USH2A: variants seen among roughly 807,000 people sequenced by gnomAD.
USH2A encodes the protein Usher syndrome 2A (autosomal recessive, mild).
In USH2A, 443 loss-of-function variants were observed where a neutral mutation model predicts 538.9. The ratio of observed to expected loss-of-function variants is 0.82; its 90% CI spans 0.76 to 0.89. The LOEUF (loss-of-function observed/expected upper bound fraction) is 0.89. Ranked by LOEUF, USH2A falls within the 40% of genes least tolerant of loss-of-function variation. The pLI, the probability that USH2A is intolerant of heterozygous loss-of-function variation, is 0.00. For missense variants in USH2A, 6,633 were observed against 6,324.8 expected (o/e 1.05, Z -1.65); for synonymous variants, 2,413 against 2,273.5 (o/e 1.06, Z -1.75).
intron 69 of USH2A, among the ~76,000 whole-genome samples, chr1:215,636,083 G>C (rs1050095303): frequency 6.6e-6 from 1 of 152,078 alleles, no homozygotes; most frequent in Admixed American, 6.6e-5. Context: ...GGAGATGTGA[G>C]CCAGAGAGCT....
intron 61 of USH2A, among the ~76,000 whole-genome samples, chr1:215,716,541 A>G (rs1054433287): frequency 5.9e-5 from 9 of 152,220 alleles, no homozygotes; most frequent in African/African-American, 2.2e-4. Flanking sequence ...ATAATCACCC[A>G]ATAGGAATTT....
At chr1:216,209,879 G>A (rs1449485374) in intron 15 of USH2A, among the ~76,000 whole-genome samples, 2 of 152,184 alleles carry the variant, frequency 1.3e-5, no homozygotes, top group African/African-American at 2.4e-5. Context: ...AATAGGGTCT[G>A]TCTCTGTTCT....
chr1:216,265,807 A>G (rs1397443445), intron 11 of USH2A, among the ~76,000 whole-genome samples: 1 of 152,092 alleles, frequency 6.6e-6, no homozygotes, highest in Admixed American at 6.6e-5. Flanking sequence ...CAGAAAGATA[A>G]ATATTACCTG....
At chr1:215,928,218 A>G (rs1203584343) in intron 38 of USH2A, among the ~76,000 whole-genome samples, 1 of 152,150 alleles carries the variant, frequency 6.6e-6, no homozygotes, top group Non-Finnish European at 1.5e-5. Flanking sequence ...TTATAAGAAG[A>G]GATCAGAATT....
intron 30 of USH2A, among the ~76,000 whole-genome samples, chr1:216,067,322 G>A (rs1369697449): frequency 6.6e-6 from 1 of 151,986 alleles, no homozygotes; most frequent in Non-Finnish European, 1.5e-5. Context: ...TGTAGATGCC[G>A]GGTTGATGGG....
rs181421285 is a variant in USH2A, at chr1:216,085,040, G to C, written c.4988-163C>G. On this transcript the variant is annotated intron_variant, in intron 24 of 71. Coordinates refer to ENST00000307340, the MANE Select transcript of USH2A (RefSeq NM_206933.4). ...TGTAAACACCACACCATCAGCTATA[G>C]TAAATGATAGCAATTATAATGTTTA... The C allele has an allele frequency of 3.8e-4, 249 of 661,188 alleles. 3 individuals carry two copies. The African/African-American group carries it at 4.1e-3, about 11-fold the overall frequency. 41.0% of individuals were successfully genotyped at this position (661,188 alleles called of 1,614,324 possible).
chr1:216,027,501 C>T (rs1329829094), intron 32 of USH2A, among the ~76,000 whole-genome samples: 8 of 152,076 alleles, frequency 5.3e-5, no homozygotes, highest in Admixed American at 5.2e-4. Context: ...TAGAAATATA[C>T]GTTATTATTT....
At chr1:215,996,848 G>T (rs1339787559) in intron 34 of USH2A, among the ~76,000 whole-genome samples, 1 of 151,928 alleles carries the variant, frequency 6.6e-6, no homozygotes, top group African/African-American at 2.4e-5. Flanking sequence ...ACTAAATGAC[G>T]TTACATGAAG....
intron 21 of USH2A, among the ~76,000 whole-genome samples, chr1:216,115,191 G>A (rs1032090234): frequency 3.3e-5 from 5 of 151,956 alleles, no homozygotes; most frequent in African/African-American, 1.2e-4. Flanking sequence ...GAGTGTAGTG[G>A]CGTGATCATA....
At chr1:216,050,623 G>A (rs866954905) in intron 30 of USH2A, among the ~76,000 whole-genome samples, 1 of 16,214 alleles carries the variant, frequency 6.2e-5, no homozygotes, top group Non-Finnish European at 1.1e-4. Flanking sequence ...TTTTTTTTTT[G>A]AGACAGAGTC....
chr1:215,651,449 G>A (rs969058819), intron 64 of USH2A, among the ~76,000 whole-genome samples: 3 of 152,186 alleles, frequency 2.0e-5, no homozygotes, highest in Non-Finnish European at 4.4e-5. Context: ...CAGAATGATA[G>A]ATCTAAATGG....
chr1:215,698,592 CAT>C (rs1403992870), intron 61 of USH2A, among the ~76,000 whole-genome samples: 10 of 152,128 alleles, frequency 6.6e-5, no homozygotes, highest in Admixed American at 3.3e-4. Flanking sequence ...AGGCTTTTTT[CAT>C]ATGTTTGTTG....
chr1:216,081,371 G>A (rs1376328520), intron 26 of USH2A, among the ~76,000 whole-genome samples: 1 of 152,110 alleles, frequency 6.6e-6, no homozygotes, highest in African/African-American at 2.4e-5. Context: ...GAAACATTCT[G>A]AGTTTATCAA....
intron 51 of USH2A, 108 bp from the exon 52 acceptor site, chr1:215,786,982 C>T: frequency 2.0e-6 from 2 of 1,002,956 alleles, no homozygotes; most frequent in Non-Finnish European, 3.0e-6. Flanking sequence ...CCTCCACTTA[C>T]TTGATGAATG....
intron 21 of USH2A, among the ~76,000 whole-genome samples, chr1:216,112,372 G>A (rs1571970664): frequency 6.6e-6 from 1 of 151,860 alleles, no homozygotes; most frequent in Non-Finnish European, 1.5e-5. Flanking sequence ...AATACCTGAG[G>A]AAAAAAACAA....
In USH2A at chr1:215,940,958, TTA is replaced by T. The variant is rs146974863; in HGVS notation, c.7121-6165_7121-6164del. 7.0e-3 allele frequency among the ~76,000 whole-genome samples: 1,058 copies of T among 150,652 alleles called. 10 individuals carry two copies. The highest frequency in any genetic ancestry group is 0.025 in the African/African-American group (1,002 of 40,438). Reference sequence around the variant, plus strand: ...ACAACTCTATAGATATCGAGAATCTTTATGTTTTGTTCTCTAGATCTTTTTTA... The same window carrying T: ...ACAACTCTATAGATATCGAGAATCTTTGTTTTGTTCTCTAGATCTTTTTTA... On this transcript the variant is annotated intron_variant, in intron 37 of 71. Transcript: ENST00000307340.
chr1:215,768,382 A>T (rs1214843266), intron 55 of USH2A, among the ~76,000 whole-genome samples: 1 of 152,246 alleles, frequency 6.6e-6, no homozygotes, highest in Non-Finnish European at 1.5e-5. Flanking sequence ...TCATCCATTT[A>T]GAATGAGAGC....
At chr1:215,864,403 G>A (rs551799837) in intron 44 of USH2A, among the ~76,000 whole-genome samples, 1 of 152,002 alleles carries the variant, frequency 6.6e-6, no homozygotes, top group African/African-American at 2.4e-5. Context: ...TTTATCTTTG[G>A]TGTATTTTGT....
chr1:216,142,317 G>C (rs997093881), intron 21 of USH2A, among the ~76,000 whole-genome samples: 1 of 152,178 alleles, frequency 6.6e-6, no homozygotes, highest in Non-Finnish European at 1.5e-5. Flanking sequence ...AAAGTGCTGA[G>C]TTTATTTCAC....
Sources: allele counts gnomAD v4.1 joint callset (sites outside exome capture counted in the v4.1 genomes callset), GRCh38; gene constraint gnomAD v4.1.1; transcripts MANE v1.5; gene names NCBI Gene and HGNC (gene_info 2026-07-23, HGNC 2026-07-21).